VPS13C: variants seen among roughly 807,000 people sequenced by gnomAD.
The protein encoded by VPS13C is vacuolar protein sorting 13 homolog C.
VPS13C carries 358 observed loss-of-function variants against 456.8 expected under a neutral mutation model. The ratio of observed to expected loss-of-function variants is 0.78; its 90% confidence interval spans 0.72 to 0.86. The LOEUF is 0.86. Ranked by LOEUF, VPS13C falls within the 40% of genes least tolerant of loss-of-function variation. The pLI is 0.00. For synonymous variants in VPS13C, 1,578 were observed against 1,486.7 expected, an observed-to-expected ratio of 1.06 and a Z score of -1.41; for missense variants, 4,818 against 4,385.4, an observed-to-expected ratio of 1.10 and a Z score of -2.79.
chr15:61,962,257 T>C (rs1398109948), intron 34 of VPS13C, 114 bp downstream of exon 34: 1 of 916,030 alleles, frequency 1.1e-6, no homozygotes, highest in African/African-American at 1.7e-5. Context: ...CGCATAAATA[T>C]AATTAAAATA....
intron 18 of VPS13C, among the ~76,000 whole-genome samples, chr15:61,987,133 T>G (rs927692830): frequency 6.6e-6 from 1 of 151,792 alleles, no homozygotes; most frequent in African/African-American, 2.4e-5. Flanking sequence ...AAAAGCAGCA[T>G]GTACTTTTGA....
intron 19 of VPS13C, among the ~76,000 whole-genome samples, chr15:61,984,498 C>T (rs1299574466): frequency 6.6e-6 from 1 of 152,146 alleles, no homozygotes; most frequent in African/African-American, 2.4e-5. Flanking sequence ...TTAGAGCTGT[C>T]TAATGTTATA....
At position 61,889,750 on chromosome 15, in the gene VPS13C, T is replaced by A. The variant is rs145864480; in HGVS notation, c.9341+415A>T. On this transcript the variant is annotated intron_variant, in intron 67 of 84. Transcript: ENST00000644861. ...TTTCTGTTGGTTTCCCCCTAACTCA[T>A]GACAGTTTCTCTAACCTCTACTGCA... Among the ~76,000 whole-genome samples the A allele has an allele frequency of 1.1e-3, 171 of 152,296 alleles. 1 individual carries two copies. The highest frequency in any genetic ancestry group is 3.9e-3 in the African/African-American group (160 of 41,556).
intron 62 of VPS13C, among the ~76,000 whole-genome samples, chr15:61,912,438 CAAGGGG>C (rs2043328487): frequency 1.3e-5 from 2 of 151,976 alleles, no homozygotes; most frequent in Admixed American, 1.3e-4. Context: ...AAATGTCTGG[CAAGGGG>C]TGGTACAGAA....
At chr15:61,870,206 T>A (rs1894914778) in intron 79 of VPS13C, among the ~76,000 whole-genome samples, 1 of 152,052 alleles carries the variant, frequency 6.6e-6, no homozygotes, top group South Asian at 2.1e-4. Context: ...AGAAACCCCC[T>A]TTCCATTAGC....
intron 13 of VPS13C, 56 bp from the exon 14 acceptor site, chr15:62,008,817 T>A: frequency 9.3e-7 from 1 of 1,080,380 alleles, no homozygotes; most frequent in Non-Finnish European, 1.3e-6. Context: ...AAAAAAAGAC[T>A]AAATTTAATT....
At position 61,934,222 on chromosome 15, in the gene VPS13C, G is replaced by A. The variant is rs199671031; in HGVS notation, c.5865C>T (p.Asn1955=). 1.9e-6 allele frequency: 3 copies of A among 1,563,782 alleles called. No individual in the cohort carries two copies. The highest frequency in any genetic ancestry group is 2.3e-5 in the East Asian group (1 of 43,428). ...ATTACAGAAATGTATTACATACCTGGTTGATATCATTGTTATAAAGGATAA... is the reference window on the plus strand; with the variant it reads ...ATTACAGAAATGTATTACATACCTGATTGATATCATTGTTATAAAGGATAA... The part of the protein sequence containing the change: ...LSIILYNNDI[N]QESGVAFHND... The change falls in exon 49 of 85, where the codon AAC becomes AAT. Residue 1955 remains asparagine (N), a synonymous_variant. Coordinates refer to ENST00000644861, the MANE Select transcript of VPS13C (RefSeq NM_020821.3).
At chr15:61,956,488 G>GA (rs1474145567) in intron 37 of VPS13C, among the ~76,000 whole-genome samples, 1 of 151,568 alleles carries the variant, frequency 6.6e-6, no homozygotes, top group African/African-American at 2.4e-5. Flanking sequence ...TAAAAATTGG[G>GA]AAAAAAAGAG....
chr15:61,865,266 A>G (rs1894461283), intron 81 of VPS13C: 1 of 982,812 alleles, frequency 1.0e-6, no homozygotes, highest in Non-Finnish European at 1.2e-6. Context: ...GATATAAAAA[A>G]GCAAAATCTA....
At chr15:62,011,569 G>C (rs182962909) in intron 12 of VPS13C, among the ~76,000 whole-genome samples, 41 of 151,918 alleles carry the variant, frequency 2.7e-4, no homozygotes, top group Admixed American at 5.2e-4. Context: ...AAAACCAATA[G>C]CTTCATTACC....
At chr15:61,897,212 A>C (rs2042851264) in intron 66 of VPS13C, among the ~76,000 whole-genome samples, 1 of 152,220 alleles carries the variant, frequency 6.6e-6, no homozygotes, top group South Asian at 2.1e-4. Flanking sequence ...CCTCCAAAGG[A>C]ATGCAGTTCC....
rs111936437 is a variant in VPS13C at position 61,915,825 on chromosome 15, G to A, written c.8253C>T (p.Val2751=). Residue 2751 remains valine (V), a synonymous_variant, in exon 61 of 85, where the codon GTC becomes GTT. Transcript: ENST00000644861. ...TTCTCCTGACGTGGACTGACAGGTC[G>A]ACTGTCGTCACTTCTGTGGAGTCAG... The part of the protein sequence containing the change: ...FSSDSTEVTT[V]DLSVHVRRIG... 16 of 1,613,892 alleles carry A rather than the reference G, an allele frequency of 9.9e-6. No homozygotes were observed. The highest frequency in any genetic ancestry group is 5.3e-5 in the African/African-American group (4 of 74,886).
intron 1 of VPS13C, among the ~76,000 whole-genome samples, chr15:62,045,428 G>A (rs991898677): frequency 6.6e-6 from 1 of 152,118 alleles, no homozygotes; most frequent in African/African-American, 2.4e-5. Context: ...TAGGCTGGAA[G>A]GTTTAAGTAG....
At chr15:61,977,280 A>G in intron 23 of VPS13C, 81 bp from the exon 24 acceptor site, 1 of 837,000 alleles carries the variant, frequency 1.2e-6, no homozygotes, top group Non-Finnish European at 1.8e-6. Flanking sequence ...TTTAATGAAT[A>G]TTATTTTAAA....
In VPS13C at chr15:61,917,372, A is replaced by C. The variant is rs1336074286; in HGVS notation, c.8024T>G (p.Leu2675Arg). Residue 2675 changes from leucine to arginine, a missense_variant, in exon 60 of 85, where the codon CTT becomes CGT. Physicochemically the swap from Leu to Arg is moderately radical, Grantham distance 102. Transcript: ENST00000644861. ...HLYPSLTLRNLLPYSLRYLLE... is the reference protein window; with the variant it reads ...HLYPSLTLRNRLPYSLRYLLE... Reference sequence around the variant, plus strand: ...TAAATATCTTAGGGAATATGGGAGAAGATTCCGCAAAGTGAGAGAAGGATA... The same window carrying C: ...TAAATATCTTAGGGAATATGGGAGACGATTCCGCAAAGTGAGAGAAGGATA... 1.2e-6 allele frequency: 2 copies of C among 1,613,868 alleles called. No homozygotes were observed. Among genetic ancestry groups the C allele is most frequent in the East Asian group, 4.5e-5 (2 of 44,864 alleles).
At chr15:61,914,611 G>A (rs1474161659) in intron 61 of VPS13C, among the ~76,000 whole-genome samples, 2 of 151,282 alleles carry the variant, frequency 1.3e-5, no homozygotes, top group Non-Finnish European at 2.9e-5. Context: ...CCAGGCTGGA[G>A]TGCAATGGTG....
rs188797520 is a variant in VPS13C, at chr15:62,002,374, T to A, written c.1291-1748A>T. On this transcript the variant is annotated intron_variant, in intron 15 of 84. Transcript: ENST00000644861. The stretch of plus-strand genomic sequence containing the variant: ...CACTTTTTGATGGGGTTGTTTGTTT[T>A]TTTCTTGTAAATTTGTTTGAGTTCA... Among the ~76,000 whole-genome samples the A allele has an allele frequency of 9.9e-3, 1,510 of 152,230 alleles. 30 individuals carry two copies. The highest frequency in any genetic ancestry group is 0.035 in the African/African-American group (1,449 of 41,528).
At chr15:61,886,678 T>G (rs999835563) in intron 67 of VPS13C, among the ~76,000 whole-genome samples, 1 of 152,172 alleles carries the variant, frequency 6.6e-6, no homozygotes, top group South Asian at 2.1e-4. Flanking sequence ...TGGGTTAGAT[T>G]TGGCTCATAG....
rs956888065 is a variant in VPS13C at position 61,908,659 on chromosome 15, T to C, written c.8978+333A>G. 3.3e-5 allele frequency among the ~76,000 whole-genome samples: 5 copies of C among 152,298 alleles called. No individual in the cohort carries two copies. In the East Asian group the frequency reaches 5.8e-4, roughly 18 times the overall value. ...CAGGTTCACTCCCTTATCTGCCATT[T>C]TGAAATTTAAAAAGCTCTAAAAGCC... On this transcript the variant is annotated intron_variant, in intron 65 of 84. Transcript: ENST00000644861.
Sources: gnomAD v4.1 joint callset for allele counts (sites outside exome capture counted in the v4.1 genomes callset) on GRCh38, gnomAD v4.1.1 for gene constraint, MANE v1.5 for transcripts, NCBI Gene and HGNC (gene_info 2026-07-23, HGNC 2026-07-21) for gene names.